Variants in ADGRD1 observed in about 807,000 individuals in gnomAD.
ADGRD1 encodes adhesion G protein-coupled receptor D1.
In ADGRD1, 77 loss-of-function variants were observed where a neutral mutation model predicts 113.4. That is an observed-to-expected ratio of 0.68 (90% confidence interval 0.57 to 0.82). The LOEUF is 0.82. Among genes scored for constraint, ADGRD1 ranks in the 40% least tolerant of loss-of-function variants. The pLI, the probability that ADGRD1 is intolerant of heterozygous loss-of-function variation, is 0.00. For synonymous variants in ADGRD1, 474 were observed against 475.0 expected (o/e 1.00, Z 0.03); for missense variants, 1,036 against 1,139.1 (o/e 0.91, Z 1.30).
intron 22 of ADGRD1, 81 bp from the exon 23 acceptor site, chr12:131,136,892 A>G: frequency 8.6e-7 from 1 of 1,156,152 alleles, no homozygotes; most frequent in East Asian, 2.3e-5. Flanking sequence ...TGCCACTCCC[A>G]GGCTGCATGG....
chr12:131,085,398 G>A (rs1351559290), intron 15 of ADGRD1, among the ~76,000 whole-genome samples: 7 of 151,222 alleles, frequency 4.6e-5, no homozygotes, highest in African/African-American at 1.7e-4. Context: ...GGAGCACCCT[G>A]AGCTCCAAGG....
rs1951200025 is a variant in ADGRD1 at position 131,139,853 on chromosome 12, G to A, written c.*590G>A. The A allele has an allele frequency of 6.5e-6, 1 of 152,894 alleles. No individual in the cohort carries two copies. The allele number at this position is 152,894 out of a possible 1,614,324, so 9.5% of individuals were successfully genotyped here. A position where few individuals can be genotyped will look rare whatever the true frequency, so the allele number is the denominator to read the frequency against. On this transcript the variant is annotated 3_prime_UTR_variant, in exon 25 of 25. Transcript: ENST00000261654. Reference sequence around the variant, plus strand: ...GTGCCGGCGTGGGCCAACCTGTGCTGTGTCATCAGTTGGGGGCCCCTGCCC... The same window carrying A: ...GTGCCGGCGTGGGCCAACCTGTGCTATGTCATCAGTTGGGGGCCCCTGCCC...
intron 5 of ADGRD1, among the ~76,000 whole-genome samples, chr12:130,982,694 A>G (rs60378002): frequency 0.011 from 1,673 of 152,186 alleles, 32 homozygotes; most frequent in African/African-American, 0.038. Context: ...TGGAGGAGGG[A>G]GGGGCCCTGG....
chr12:130,972,014 T>G (rs2032326144), intron 4 of ADGRD1, among the ~76,000 whole-genome samples: 1 of 152,140 alleles, frequency 6.6e-6, no homozygotes. Flanking sequence ...CTGGTTTTGG[T>G]TCTTTTACAT....
intron 24 of ADGRD1, among the ~76,000 whole-genome samples, chr12:131,138,432 C>T (rs1447685576): frequency 1.3e-5 from 2 of 152,210 alleles, no homozygotes; most frequent in African/African-American, 4.8e-5. Context: ...TCACCACAGC[C>T]CTACCCCTTG....
At chr12:130,979,644 C>G (rs948551074) in intron 4 of ADGRD1, among the ~76,000 whole-genome samples, 2 of 152,172 alleles carry the variant, frequency 1.3e-5, no homozygotes, top group Non-Finnish European at 2.9e-5. Flanking sequence ...TTCTGCCTCT[C>G]CCCTGCACCC....
intron 13 of ADGRD1, chr12:131,071,026 A>G (rs1433693908): frequency 2.2e-6 from 1 of 464,220 alleles, no homozygotes; most frequent in Non-Finnish European, 4.4e-6. Flanking sequence ...ATGTACAAGG[A>G]GGTGGGGCTA....
intron 15 of ADGRD1, among the ~76,000 whole-genome samples, chr12:131,097,724 G>A (rs1157822119): frequency 2.0e-5 from 3 of 152,194 alleles, no homozygotes; most frequent in Non-Finnish European, 4.4e-5. Flanking sequence ...TGCCAGCCGC[G>A]GAGAGACCAG....
chr12:130,987,213 G>A lies in ADGRD1; in HGVS notation c.609G>A (p.Glu203=), dbSNP rs201045213. ...PSGKVSRDYG[E]SNVNLVIGSE... ...GAAAAGTGTCTCGTGACTATGGAGAGTCCAACGTCAACCTCGTGATAGGGT... is the reference window on the plus strand; with the variant it reads ...GAAAAGTGTCTCGTGACTATGGAGAATCCAACGTCAACCTCGTGATAGGGT... Residue 203 remains glutamate (E), a synonymous_variant, in exon 6 of 25, where the codon GAG becomes GAA. Transcript: ENST00000261654. The A allele has an allele frequency of 6.2e-7, 1 of 1,614,224 alleles. No individual in the cohort carries two copies. The highest frequency in any genetic ancestry group is 8.5e-7 in the Non-Finnish European group (1 of 1,180,028).
chr12:131,055,560 T>C (rs771609910), intron 13 of ADGRD1, among the ~76,000 whole-genome samples: 1 of 152,242 alleles, frequency 6.6e-6, no homozygotes, highest in Non-Finnish European at 1.5e-5. Context: ...AAAGTTATCC[T>C]TTAATATGTG....
intron 13 of ADGRD1, among the ~76,000 whole-genome samples, chr12:131,042,181 C>T (rs1401477773): frequency 6.6e-6 from 1 of 152,164 alleles, no homozygotes; most frequent in Admixed American, 6.5e-5. Context: ...ATGAACTGTC[C>T]CAATTTTTAA....
At chr12:131,121,051 A>G (rs1345309371) in intron 20 of ADGRD1, 138 bp downstream of exon 20, 2 of 728,104 alleles carry the variant, frequency 2.7e-6, no homozygotes, top group Non-Finnish European at 4.6e-6. Flanking sequence ...ACTCCTCGCT[A>G]GGGCTCCTCT....
rs530107451 is a variant in ADGRD1, at chr12:130,979,920, G to A, written c.311-1964G>A. ...CAGATGCTACTGGAGGCAGAGAAGT[G>A]GAATAGAGACAACCAGAGCTCCAAA... On this transcript the variant is annotated intron_variant, in intron 4 of 24. Coordinates refer to ENST00000261654, the MANE Select transcript of ADGRD1 (RefSeq NM_198827.5). Among the ~76,000 whole-genome samples, 42 of 152,152 alleles carry A rather than the reference G, an allele frequency of 2.8e-4. 1 individual carries two copies. In the South Asian group the frequency reaches 8.7e-3, roughly 32 times the overall value.
At chr12:130,998,525 C>T (rs1168589273) in intron 8 of ADGRD1, among the ~76,000 whole-genome samples, 1 of 152,036 alleles carries the variant, frequency 6.6e-6, no homozygotes, top group Non-Finnish European at 1.5e-5. Flanking sequence ...AGTGCAGTGG[C>T]ATGATCTTGG....
At chr12:131,100,540 G>C (rs1950045006) in intron 15 of ADGRD1, among the ~76,000 whole-genome samples, 1 of 151,992 alleles carries the variant, frequency 6.6e-6, no homozygotes, top group African/African-American at 2.4e-5. Flanking sequence ...GTTGATGGTA[G>C]GCTTGGTTAA....
At chr12:131,108,402 C>T (rs917609489) in intron 17 of ADGRD1, among the ~76,000 whole-genome samples, 7 of 152,108 alleles carry the variant, frequency 4.6e-5, no homozygotes, top group Admixed American at 3.3e-4. Flanking sequence ...CCTGATTGGA[C>T]CAGGTGAGTC....
rs1468835310 is a variant in ADGRD1, at chr12:131,136,297, A to T, written c.2394+134A>T. 4 of 1,104,948 alleles carry T rather than the reference A, an allele frequency of 3.6e-6. No homozygotes were observed. The East Asian group carries it at 7.7e-5, about 21-fold the overall frequency. 68.4% of individuals were successfully genotyped at this position (1,104,948 alleles called of 1,614,324 possible). On this transcript the variant is annotated intron_variant, in intron 22 of 24. Transcript: ENST00000261654. Reference sequence around the variant, plus strand: ...ACCTTAGGAGCCTGTAATGCGGGGCATCCCCGAAGCCTGAGGACTCTCAGA... The same window carrying T: ...ACCTTAGGAGCCTGTAATGCGGGGCTTCCCCGAAGCCTGAGGACTCTCAGA...
At chr12:131,004,782 C>T (rs2049568) in intron 11 of ADGRD1, among the ~76,000 whole-genome samples, 2 of 152,022 alleles carry the variant, frequency 1.3e-5, no homozygotes, top group Non-Finnish European at 2.9e-5. Context: ...GTGCAGGCCT[C>T]AGTCGAGTCA....
At chr12:131,115,224 G>C (rs1373051766) in intron 18 of ADGRD1, among the ~76,000 whole-genome samples, 5 of 152,202 alleles carry the variant, frequency 3.3e-5, no homozygotes, top group Non-Finnish European at 7.3e-5. Context: ...GGACAGTGAA[G>C]AGCCCAGGCT....
Sources: gnomAD v4.1 joint callset for allele counts (sites outside exome capture counted in the v4.1 genomes callset) on GRCh38, gnomAD v4.1.1 for gene constraint, MANE v1.5 for transcripts, NCBI Gene and HGNC (gene_info 2026-07-23, HGNC 2026-07-21) for gene names.